PLCG2: variants seen among roughly 807,000 people sequenced by gnomAD.
PLCG2 encodes the protein 1-phosphatidylinositol 4,5-bisphosphate phosphodiesterase gamma-2.
In PLCG2, 69 loss-of-function variants were observed where a neutral mutation model predicts 175.6. The ratio of observed to expected loss-of-function variants is 0.39; its 90% CI spans 0.32 to 0.48. PLCG2 has a LOEUF of 0.48. Among genes scored for constraint, PLCG2 ranks in the 20% least tolerant of loss-of-function variants. PLCG2 has a pLI of 0.91. For synonymous variants in PLCG2, 827 were observed against 624.0 expected (o/e 1.33, Z -4.85); for missense variants, 1,798 against 1,650.9 (o/e 1.09, Z -1.54).
intron 2 of PLCG2, among the ~76,000 whole-genome samples, chr16:81,822,238 TCTC>T (rs1904830560): frequency 6.6e-6 from 1 of 152,108 alleles, no homozygotes; most frequent in Non-Finnish European, 1.5e-5. Flanking sequence ...GAAATAATAC[TCTC>T]CTCCTCTGCA....
chr16:81,812,648 A>G (rs975087347), intron 2 of PLCG2, among the ~76,000 whole-genome samples: 1 of 152,104 alleles, frequency 6.6e-6, no homozygotes, highest in Non-Finnish European at 1.5e-5. Flanking sequence ...GCTCACTCTG[A>G]TGATAGTTTC....
Position 81,874,822 on chromosome 16 carries a change from A to G in PLCG2, c.648+3887A>G, listed in dbSNP as rs143148947. On this transcript the variant is annotated intron_variant, in intron 7 of 32. Coordinates refer to ENST00000564138, the MANE Select transcript of PLCG2 (RefSeq NM_002661.5). ...GCAGCAGCAGGAGGATAAGAAATGT[A>G]ATCTCACGTTTGTGTCTCCCTGGTG... is the stretch of plus-strand genomic sequence containing the variant. Among the ~76,000 whole-genome samples the G allele has an allele frequency of 3.2e-4, 48 of 152,276 alleles. No homozygotes were observed. In the East Asian group the frequency reaches 3.7e-3, roughly 12 times the overall value.
chr16:81,921,313 G>A (rs753429736), intron 21 of PLCG2, 44 bp downstream of exon 21: 10 of 1,232,212 alleles, frequency 8.1e-6, no homozygotes, highest in African/African-American at 1.5e-5. Flanking sequence ...GGAGTCACGA[G>A]GCTGATGTGG....
chr16:81,763,865 G>T (rs774420886), intron 2 of PLCG2, among the ~76,000 whole-genome samples: 1 of 152,064 alleles, frequency 6.6e-6, no homozygotes, highest in Non-Finnish European at 1.5e-5. Flanking sequence ...TACTCGGGAG[G>T]CTGAGGCATG....
intron 2 of PLCG2, among the ~76,000 whole-genome samples, chr16:81,841,162 AT>A (rs1301342405): frequency 6.6e-6 from 1 of 152,100 alleles, no homozygotes; most frequent in Non-Finnish European, 1.5e-5. Context: ...AACAAAGAAG[AT>A]AAGGGCAGGC....
In PLCG2 at chr16:81,938,912, G is replaced by A. The variant is rs1385319449; in HGVS notation, c.3310G>A (p.Val1104Met). ...CAACAACAAGTTCAAGACGACGGTTGTGAGTAAGTCAGTCACCTTGGCCCC... is the reference window on the plus strand; with the variant it reads ...CAACAACAAGTTCAAGACGACGGTTATGAGTAAGTCAGTCACCTTGGCCCC... ...YDNNKFKTTV[V>M]NDNGLSPIWA... The change falls in exon 29 of 33, where the codon GTG becomes ATG. Residue 1104 changes from valine to methionine, a missense_variant. By Grantham distance (21) the Val-to-Met change is conservative. Transcript: ENST00000564138. 2.5e-6 allele frequency: 4 copies of A among 1,589,852 alleles called. No individual in the cohort carries two copies. Among genetic ancestry groups the A allele is most frequent in the South Asian group, 2.2e-5 (2 of 90,004 alleles).
chr16:81,900,710 C>A lies in PLCG2; in HGVS notation c.1292C>A (p.Thr431Lys). ...FKEVFGDLLL[T>K]KPTEASADQL... ...GAAGTATTTGGCGACCTGCTGTTGA[C>A]GAAGCCCACGGAGGCCAGTGCTGAC... Residue 431 changes from threonine (T) to lysine (K), a missense_variant, in exon 14 of 33, where the codon ACG (threonine) becomes AAG (lysine). Coordinates refer to ENST00000564138, the MANE Select transcript of PLCG2 (RefSeq NM_002661.5). The A allele has an allele frequency of 6.2e-7, 1 of 1,613,388 alleles. No homozygotes were observed. Among genetic ancestry groups the A allele is most frequent in the East Asian group, 2.2e-5 (1 of 44,860 alleles).
intron 14 of PLCG2, 127 bp downstream of exon 14, chr16:81,900,907 A>T (rs1289703681): frequency 3.9e-6 from 3 of 761,248 alleles, no homozygotes; most frequent in Non-Finnish European, 6.3e-6. Flanking sequence ...CACAGGCTCA[A>T]ATCTGCTCTC....
chr16:81,771,069 A>AAAAT (rs1555504903), intron 2 of PLCG2, among the ~76,000 whole-genome samples: 69 of 145,088 alleles, frequency 4.8e-4, no homozygotes, highest in South Asian at 6.5e-4. Flanking sequence ...AAAAAAAAAA[A>AAAAT]AAATAAATAA....
chr16:81,785,968 C>G lies in PLCG2; in HGVS notation c.-22C>G. ...CTTCCTGATTTCTCCCGATTCCTTC[C>G]TTCTCCCTGGAGCGGCCGACAATGT... On this transcript the variant is annotated 5_prime_UTR_variant, in exon 2 of 33. Coordinates refer to ENST00000564138, the MANE Select transcript of PLCG2 (RefSeq NM_002661.5). 6.2e-7 allele frequency: 1 copy of G among 1,604,332 alleles called. No individual in the cohort carries two copies. The highest frequency in any genetic ancestry group is 1.1e-5 in the South Asian group (1 of 90,398).
At chr16:81,924,333 A>T (rs1910174010) in intron 22 of PLCG2, among the ~76,000 whole-genome samples, 1 of 152,260 alleles carries the variant, frequency 6.6e-6, no homozygotes, top group Non-Finnish European at 1.5e-5. Flanking sequence ...AGATAACTGG[A>T]CCTGGCTTAG....
At chr16:81,816,837 A>C (rs773628907) in intron 2 of PLCG2, among the ~76,000 whole-genome samples, 4 of 151,908 alleles carry the variant, frequency 2.6e-5, no homozygotes, top group Non-Finnish European at 4.4e-5. Flanking sequence ...CCTGATGTCC[A>C]GAAGCAAGAA....
rs774823162 is a variant in PLCG2, at chr16:81,937,881, T to A, written c.3176T>A (p.Ile1059Asn). The A allele has an allele frequency of 1.2e-6, 2 of 1,614,116 alleles. No individual in the cohort carries two copies. The highest frequency in any genetic ancestry group is 2.2e-5 in the South Asian group (2 of 91,080). ...ATGCCACCCGAGTCCCAGAGGAAGA[T>A]CCTGATGACGCTGACAGTCAAGGTA... ...DPMPPESQRK[I>N]LMTLTVKVLG... is the part of the protein sequence containing the mutation. The change falls in exon 28 of 33, where the codon ATC (isoleucine) becomes AAC (asparagine). Residue 1059 changes from isoleucine (I) to asparagine (N), a missense_variant. Transcript: ENST00000564138.
intron 1 of PLCG2, among the ~76,000 whole-genome samples, chr16:81,784,376 C>T (rs926124958): frequency 2.0e-5 from 3 of 152,348 alleles, no homozygotes; most frequent in Middle Eastern, 3.4e-3. Context: ...TTCCCAGCTG[C>T]CCCTTGTGGG....
upstream of PLCG2, among the ~76,000 whole-genome samples, chr16:81,775,018 T>G (rs1910368814): frequency 6.6e-6 from 1 of 152,138 alleles, no homozygotes; most frequent in Non-Finnish European, 1.5e-5. Flanking sequence ...ATAGCTGAGA[T>G]TACAGGTATG....
At chr16:81,859,779 G>A (rs533551034) in intron 5 of PLCG2, among the ~76,000 whole-genome samples, 18 of 152,170 alleles carry the variant, frequency 1.2e-4, no homozygotes, top group South Asian at 6.2e-4. Flanking sequence ...CTTGTGATCC[G>A]CCCACCTTGG....
rs79064006 is a variant in PLCG2, at chr16:81,742,415, A to C, written c.-145+3030A>C. 0.017 allele frequency among the ~76,000 whole-genome samples: 2,580 copies of C among 152,220 alleles called. 142 individuals carry two copies. The East Asian group carries it at 0.22, about 13-fold the overall frequency. ...ATGACCCTGCCTGTGTATGACTCTA[A>C]GAGTGACTGCCATCTTCCATCCTAC... On this transcript the variant is annotated intron_variant, in intron 1 of 5. Transcript: ENST00000565054.
At chr16:81,814,897 C>G (rs1446984981) in intron 2 of PLCG2, among the ~76,000 whole-genome samples, 1 of 152,050 alleles carries the variant, frequency 6.6e-6, no homozygotes, top group African/African-American at 2.4e-5. Context: ...TTAAATGAGC[C>G]AATACACATT....
chr16:81,782,483 C>G (rs1910783161), intron 1 of PLCG2, among the ~76,000 whole-genome samples: 2 of 152,252 alleles, frequency 1.3e-5, no homozygotes, highest in Non-Finnish European at 2.9e-5. Context: ...TCTTGGAGAC[C>G]TCCCTGCCAT....
Sources: gnomAD v4.1 joint callset for allele counts (sites outside exome capture counted in the v4.1 genomes callset) on GRCh38, gnomAD v4.1.1 for gene constraint, MANE v1.5 for transcripts, NCBI Gene and HGNC (gene_info 2026-07-23, HGNC 2026-07-21) for gene names.